KIF6: variants seen among roughly 807,000 people sequenced by gnomAD.
KIF6 encodes the protein kinesin family member 6.
KIF6 carries 106 observed loss-of-function variants against 112.7 expected under a neutral mutation model. The ratio of observed to expected loss-of-function variants is 0.94; its 90% CI spans 0.80 to 1.11. KIF6 has a LOEUF of 1.11. Among genes scored for constraint, KIF6 ranks in the 50% least tolerant of loss-of-function variants. The pLI, the probability that KIF6 is intolerant of heterozygous loss-of-function variation, is 0.00. For synonymous variants in KIF6, 339 were observed against 339.9 expected (o/e 1.00, Z 0.03); for missense variants, 929 against 964.0 (o/e 0.96, Z 0.48).
Position 39,345,800 on chromosome 6 carries a change from C to T in KIF6, c.2232-11G>A. 1 of 1,606,596 alleles carries T rather than the reference C, an allele frequency of 6.2e-7. No homozygotes were observed. The highest frequency in any genetic ancestry group is 1.4e-5 in the African/African-American group (1 of 73,792). On this transcript the variant is annotated splice_polypyrimidine_tract_variant and intron_variant, in intron 20 of 22. Transcript: ENST00000287152. ...CTGGCATTCACATCACTGCAAAACACAAACAAACAAAAGCAAAAGGAATGG... is the reference window on the plus strand; with the variant it reads ...CTGGCATTCACATCACTGCAAAACATAAACAAACAAAAGCAAAAGGAATGG...
chr6:39,684,658 C>A (rs1233500851), intron 3 of KIF6, among the ~76,000 whole-genome samples: 5 of 149,738 alleles, frequency 3.3e-5, no homozygotes, highest in Admixed American at 2.0e-4. Context: ...GGAGTGGTGG[C>A]AAGTGCCTGT....
chr6:39,429,183 C>T (rs148210595), intron 14 of KIF6, among the ~76,000 whole-genome samples: 58 of 152,334 alleles, frequency 3.8e-4, no homozygotes, highest in Admixed American at 2.1e-3. Flanking sequence ...GCTGGGCCTT[C>T]GACCCTCATT....
At chr6:39,512,160 A>C (rs1440803402) in intron 13 of KIF6, among the ~76,000 whole-genome samples, 2 of 152,228 alleles carry the variant, frequency 1.3e-5, no homozygotes. Context: ...TGCCGGTATA[A>C]AGAATCAGAA....
At chr6:39,356,083 C>T (rs1382768891) in intron 19 of KIF6, among the ~76,000 whole-genome samples, 3 of 151,934 alleles carry the variant, frequency 2.0e-5, no homozygotes, top group Non-Finnish European at 4.4e-5. Context: ...GACCGAGTCT[C>T]ACACTTGGTT....
At chr6:39,482,279 T>A (rs1774847352) in intron 13 of KIF6, among the ~76,000 whole-genome samples, 1 of 152,218 alleles carries the variant, frequency 6.6e-6, no homozygotes, top group South Asian at 2.1e-4. Flanking sequence ...CAAACTTCAC[T>A]GATTCTACCT....
intron 10 of KIF6, among the ~76,000 whole-genome samples, chr6:39,561,746 C>G (rs1780020455): frequency 6.6e-6 from 1 of 152,180 alleles, no homozygotes; most frequent in Non-Finnish European, 1.5e-5. Context: ...GAAAGCCCAG[C>G]TCAGCCAAGA....
intron 15 of KIF6, among the ~76,000 whole-genome samples, chr6:39,393,290 A>G (rs1174119837): frequency 2.0e-5 from 3 of 152,222 alleles, no homozygotes; most frequent in Non-Finnish European, 4.4e-5. Flanking sequence ...TGGACTCTGG[A>G]GCCAACCCCC....
intron 16 of KIF6, among the ~76,000 whole-genome samples, chr6:39,367,898 A>G (rs144298819): frequency 6.6e-6 from 1 of 152,326 alleles, no homozygotes; most frequent in East Asian, 1.9e-4. Flanking sequence ...AAAAGCACAC[A>G]GACAGCTGGG....
intron 10 of KIF6, among the ~76,000 whole-genome samples, chr6:39,576,285 C>T (rs1329028995): frequency 1.3e-5 from 2 of 151,864 alleles, no homozygotes; most frequent in South Asian, 4.2e-4. Context: ...CCACCACACC[C>T]GGCTAATTTT....
intron 13 of KIF6, among the ~76,000 whole-genome samples, chr6:39,437,315 A>C (rs1408414461): frequency 6.6e-6 from 1 of 152,218 alleles, no homozygotes; most frequent in Non-Finnish European, 1.5e-5. Context: ...ATTGGCAAAC[A>C]GTGATAGTTT....
chr6:39,673,824 A>G (rs1025469694), intron 3 of KIF6, among the ~76,000 whole-genome samples: 2 of 152,226 alleles, frequency 1.3e-5, no homozygotes, highest in African/African-American at 4.8e-5. Context: ...TAGCCCAGAT[A>G]AAAACTTAGT....
In KIF6 at chr6:39,343,090, G is replaced by T; in HGVS notation, c.2428+619C>A. On this transcript the variant is annotated intron_variant, in intron 22 of 22. Transcript: ENST00000287152. This position sits in a 1 kb window ranked among gnomAD's most constrained non-coding sequence, Gnocchi z 4.1. ...GTGTGTTGGGGATGGAAGGCAGAAA[G>T]AGAAAAGGCCCAGCCACAGCAGATG... is the stretch of plus-strand genomic sequence containing the variant. The T allele has an allele frequency of 1.0e-6, 1 of 985,416 alleles. No individual in the cohort carries two copies. Among genetic ancestry groups the T allele is most frequent in the Non-Finnish European group, 1.2e-6 (1 of 829,922 alleles). The allele number at this position is 985,416 out of a possible 1,614,324, so 61.0% of individuals were successfully genotyped here.
chr6:39,488,390 C>G (rs1344020419), intron 13 of KIF6, among the ~76,000 whole-genome samples: 2 of 152,204 alleles, frequency 1.3e-5, no homozygotes, highest in Non-Finnish European at 2.9e-5. Context: ...GCATAGTCTG[C>G]TCCCCTGTCT....
chr6:39,517,387 A>T (rs1474307040), intron 13 of KIF6, among the ~76,000 whole-genome samples: 1 of 152,204 alleles, frequency 6.6e-6, no homozygotes, highest in African/African-American at 2.4e-5. Context: ...ACTATCTTGC[A>T]TTTGAACCTT....
intron 13 of KIF6, among the ~76,000 whole-genome samples, chr6:39,441,693 A>G (rs1771931339): frequency 6.6e-6 from 1 of 152,208 alleles, no homozygotes; most frequent in African/African-American, 2.4e-5. Context: ...CAGAGATCAG[A>G]TCTTTTGGGG....
intron 19 of KIF6, chr6:39,353,821 G>A (rs1348502075): frequency 5.0e-6 from 2 of 400,142 alleles, no homozygotes; most frequent in South Asian, 2.4e-5. Context: ...TGCAGCAGAT[G>A]CTGGAGAGAT....
intron 15 of KIF6, among the ~76,000 whole-genome samples, chr6:39,419,744 CT>C (rs1182136279): frequency 2.6e-5 from 4 of 152,126 alleles, no homozygotes; most frequent in African/African-American, 9.7e-5. Flanking sequence ...AGTTCAAGTT[CT>C]AGACAAAAGA....
At chr6:39,466,870 C>T (rs1007546331) in intron 13 of KIF6, among the ~76,000 whole-genome samples, 1 of 152,210 alleles carries the variant, frequency 6.6e-6, no homozygotes, top group Non-Finnish European at 1.5e-5. Context: ...ATTGCCTTTG[C>T]CTGCTCATAA....
Position 39,343,716 on chromosome 6 carries a change from C to T in KIF6, c.2421G>A (p.Gln807=), listed in dbSNP as rs1218192372. Residue 807 remains glutamine, a synonymous_variant, in exon 22 of 23, where the codon CAG becomes CAA. Transcript: ENST00000287152. The surrounding 1 kb of genome is among the most constrained non-coding windows in gnomAD (Gnocchi z 4.1). ...AFIKARQSIL[Q]KQCLGSN is the part of the protein sequence containing the mutation. ...CGAGGGAGGTGCACTTACATTGCTTCTGCAGAATGCTCTGTCTGGCCTTGA... is the reference window on the plus strand; with the variant it reads ...CGAGGGAGGTGCACTTACATTGCTTTTGCAGAATGCTCTGTCTGGCCTTGA... The T allele has an allele frequency of 1.2e-6, 2 of 1,607,086 alleles. No homozygotes were observed. Among genetic ancestry groups the T allele is most frequent in the Admixed American group, 1.7e-5 (1 of 58,720 alleles).
Sources: gnomAD v4.1 joint callset for allele counts (sites outside exome capture counted in the v4.1 genomes callset) on GRCh38, gnomAD v4.1.1 for gene constraint, Gnocchi (gnomAD v3.1) non-coding constraint, MANE v1.5 for transcripts, NCBI Gene and HGNC (gene_info 2026-07-23, HGNC 2026-07-21) for gene names.